FAM135B: variants seen among roughly 807,000 people sequenced by gnomAD.
The protein encoded by FAM135B is family with sequence similarity 135 member B.
A neutral mutation model predicts 127.7 loss-of-function variants in FAM135B; 43 were observed. That is an observed-to-expected ratio of 0.34 (90% CI 0.26 to 0.43). FAM135B has a LOEUF of 0.43. Ranked by LOEUF, FAM135B falls within the 20% of genes least tolerant of loss-of-function variation. FAM135B has a pLI of 1.00. For missense variants in FAM135B, 1,558 were observed against 1,725.6 expected, an observed-to-expected ratio of 0.90 and a Z score of 1.72; for synonymous variants, 670 against 665.1, an observed-to-expected ratio of 1.01 and a Z score of -0.11.
chr8:138,288,754 G>A (rs2130784469), intron 3 of FAM135B, among the ~76,000 whole-genome samples: 1 of 152,252 alleles, frequency 6.6e-6, no homozygotes, highest in Non-Finnish European at 1.5e-5. Flanking sequence ...TTTCTTTTAA[G>A]AAGATAATTT....
intron 2 of FAM135B, among the ~76,000 whole-genome samples, chr8:138,339,358 A>AATATATATATAT (rs143774221): frequency 2.0e-3 from 288 of 147,688 alleles, no homozygotes; most frequent in East Asian, 0.015. Context: ...AAACTAACTA[A>AATATATATATAT]ATATATATAT....
intron 1 of FAM135B, among the ~76,000 whole-genome samples, chr8:138,390,079 A>G (rs1234300426): frequency 6.6e-6 from 1 of 152,232 alleles, no homozygotes; most frequent in African/African-American, 2.4e-5. Context: ...GGATTTCCAG[A>G]CTTAGCAAAT....
chr8:138,346,666 G>C (rs1349979697), intron 2 of FAM135B, among the ~76,000 whole-genome samples: 1 of 152,094 alleles, frequency 6.6e-6, no homozygotes, highest in Non-Finnish European at 1.5e-5. Context: ...GCCTGTCGGG[G>C]GGTCAGAGGT....
At chr8:138,140,829 A>C (rs377121788) in intron 17 of FAM135B, among the ~76,000 whole-genome samples, 207 of 152,314 alleles carry the variant, frequency 1.4e-3, no homozygotes, top group Middle Eastern at 6.8e-3. Context: ...TCTAGGCCAC[A>C]GTCTCCCTCA....
intron 1 of FAM135B, among the ~76,000 whole-genome samples, chr8:138,444,030 G>A (rs201960834): frequency 6.6e-6 from 1 of 151,852 alleles, no homozygotes; most frequent in African/African-American, 2.4e-5. Context: ...GATTATAAAC[G>A]AACAAAGATC....
intron 3 of FAM135B, among the ~76,000 whole-genome samples, chr8:138,271,041 C>T (rs921712760): frequency 6.6e-6 from 1 of 152,206 alleles, no homozygotes; most frequent in Non-Finnish European, 1.5e-5. Context: ...AGATTCATTT[C>T]TATCCTAAAC....
chr8:138,344,719 G>A (rs924395968), intron 2 of FAM135B, among the ~76,000 whole-genome samples: 2 of 151,926 alleles, frequency 1.3e-5, no homozygotes, highest in Non-Finnish European at 2.9e-5. Context: ...GGGACTACAG[G>A]TGCCTGCAAC....
chr8:138,253,175 C>G (rs1173647834), intron 5 of FAM135B, among the ~76,000 whole-genome samples: 1 of 152,226 alleles, frequency 6.6e-6, no homozygotes, highest in East Asian at 1.9e-4. Context: ...AAACTGAAGT[C>G]TACTGAGGGC....
chr8:138,185,604 T>G (rs2131037778), intron 9 of FAM135B, among the ~76,000 whole-genome samples: 1 of 152,332 alleles, frequency 6.6e-6, no homozygotes, highest in African/African-American at 2.4e-5. Context: ...TCACTGATGC[T>G]TAGTAACTGT....
intron 1 of FAM135B, among the ~76,000 whole-genome samples, chr8:138,407,634 C>T (rs1364706174): frequency 1.3e-5 from 2 of 152,088 alleles, no homozygotes; most frequent in Non-Finnish European, 2.9e-5. Context: ...CTTTGACAAA[C>T]CTGAGAAAAA....
intron 1 of FAM135B, chr8:138,436,707 A>G (rs1210876968): frequency 6.6e-6 from 1 of 152,222 alleles, no homozygotes; most frequent in Admixed American, 6.5e-5. Flanking sequence ...GTGACTTTCC[A>G]AACAGTGTGA....
chr8:138,168,678 A>G (rs1235189820), intron 11 of FAM135B, among the ~76,000 whole-genome samples: 1 of 152,188 alleles, frequency 6.6e-6, no homozygotes, highest in East Asian at 1.9e-4. Flanking sequence ...CAGAGTTTGG[A>G]ATAATCACCA....
intron 7 of FAM135B, among the ~76,000 whole-genome samples, chr8:138,232,308 T>A (rs1563799095): frequency 6.6e-6 from 1 of 152,184 alleles, no homozygotes; most frequent in African/African-American, 2.4e-5. Context: ...CCATGTGACA[T>A]CTCCATCATG....
At chr8:138,249,343 A>G (rs1027684291) in intron 6 of FAM135B, among the ~76,000 whole-genome samples, 1 of 152,164 alleles carries the variant, frequency 6.6e-6, no homozygotes, top group Non-Finnish European at 1.5e-5. Flanking sequence ...TGAATCTTGT[A>G]ACATTTTCTA....
intron 9 of FAM135B, among the ~76,000 whole-genome samples, chr8:138,193,182 C>A (rs1184757367): frequency 6.6e-6 from 1 of 152,222 alleles, no homozygotes; most frequent in Non-Finnish European, 1.5e-5. Context: ...CATGTGAGCA[C>A]CGATTCCTCC....
chr8:138,312,465 G>A (rs1474709602), intron 2 of FAM135B, among the ~76,000 whole-genome samples: 1 of 152,096 alleles, frequency 6.6e-6, no homozygotes, highest in Non-Finnish European at 1.5e-5. Context: ...TGCATTTCCT[G>A]TTTCCTCATA....
chr8:138,261,022 T>C (rs1198019113), intron 4 of FAM135B, among the ~76,000 whole-genome samples: 1 of 152,108 alleles, frequency 6.6e-6, no homozygotes, highest in Admixed American at 6.5e-5. Context: ...CTTTACTGCT[T>C]TTTATGGGCC....
intron 2 of FAM135B, among the ~76,000 whole-genome samples, chr8:138,343,438 A>G (rs1829190900): frequency 6.6e-6 from 1 of 152,224 alleles, no homozygotes. Context: ...CAGGACTCTG[A>G]AAGTCTCCAG....
At chr8:138,343,220 T>C (rs1587160739) in intron 2 of FAM135B, among the ~76,000 whole-genome samples, 1 of 152,224 alleles carries the variant, frequency 6.6e-6, no homozygotes, top group African/African-American at 2.4e-5. Flanking sequence ...CACAGCTTTC[T>C]GACCACAGAG....
Sources: gnomAD v4.1 joint callset for allele counts (sites outside exome capture counted in the v4.1 genomes callset) on GRCh38, gnomAD v4.1.1 for gene constraint, MANE v1.5 for transcripts, NCBI Gene and HGNC (gene_info 2026-07-23, HGNC 2026-07-21) for gene names.